SEMA5B: variants seen among roughly 807,000 people sequenced by gnomAD.
The protein encoded by SEMA5B is semaphorin-5B.
SEMA5B carries 66 observed loss-of-function variants against 135.0 expected under a neutral mutation model. That is an observed-to-expected ratio of 0.49 (90% CI 0.40 to 0.60). The LOEUF (loss-of-function observed/expected upper bound fraction) is 0.60. Ranked by LOEUF, SEMA5B falls within the 20% of genes least tolerant of loss-of-function variation. The pLI is 0.00. For synonymous variants in SEMA5B, 690 were observed against 639.5 expected (o/e 1.08, Z -1.19); for missense variants, 1,501 against 1,566.3 (o/e 0.96, Z 0.70).
intron 1 of SEMA5B, among the ~76,000 whole-genome samples, chr3:122,989,040 G>A (rs1941786290): frequency 6.6e-6 from 1 of 152,210 alleles, no homozygotes; most frequent in Non-Finnish European, 1.5e-5. Flanking sequence ...GCACAGTATG[G>A]ACAGAAGTCC....
upstream of SEMA5B, chr3:123,027,802 G>C (rs1271798387): frequency 6.6e-6 from 1 of 152,420 alleles, no homozygotes; most frequent in Non-Finnish European, 1.5e-5. Context: ...GGGGGCGGTG[G>C]GGGAGGAGTT....
chr3:122,955,616 T>C (rs1940258564), intron 2 of SEMA5B, among the ~76,000 whole-genome samples: 1 of 152,198 alleles, frequency 6.6e-6, no homozygotes, highest in Non-Finnish European at 1.5e-5. Context: ...CCAATCCAAT[T>C]ATCCCGAGGG....
At chr3:122,970,483 C>T (rs1215095604) in intron 1 of SEMA5B, among the ~76,000 whole-genome samples, 2 of 152,134 alleles carry the variant, frequency 1.3e-5, no homozygotes, top group South Asian at 4.1e-4. Flanking sequence ...GTCTAGGGAC[C>T]GCACTTTGGG....
intron 3 of SEMA5B, 37 bp downstream of exon 3, chr3:122,948,469 C>A: frequency 6.4e-7 from 1 of 1,552,902 alleles, no homozygotes; most frequent in South Asian, 1.2e-5. Context: ...AGGACACGGC[C>A]ATTGCAAGAC....
intron 1 of SEMA5B, among the ~76,000 whole-genome samples, chr3:122,969,609 A>G (rs1941025923): frequency 6.6e-6 from 1 of 152,004 alleles, no homozygotes; most frequent in Non-Finnish European, 1.5e-5. Context: ...GCTCCACCTC[A>G]TGGACATCAC....
intron 1 of SEMA5B, among the ~76,000 whole-genome samples, chr3:123,011,762 G>C (rs950725258): frequency 6.6e-6 from 1 of 152,216 alleles, no homozygotes; most frequent in African/African-American, 2.4e-5. Context: ...CAGGGCTAGA[G>C]AGAGGAGGAG....
intron 2 of SEMA5B, among the ~76,000 whole-genome samples, chr3:122,951,227 T>C (rs1336203467): frequency 6.6e-6 from 1 of 152,246 alleles, no homozygotes; most frequent in African/African-American, 2.4e-5. Context: ...CTTATTAGCA[T>C]GGTAACTTTT....
chr3:123,011,182 A>T (rs925467584), intron 1 of SEMA5B, among the ~76,000 whole-genome samples: 7 of 152,308 alleles, frequency 4.6e-5, no homozygotes, highest in South Asian at 2.1e-4. Context: ...GCGGCAGAGG[A>T]ATGGACAGAG....
intron 1 of SEMA5B, among the ~76,000 whole-genome samples, chr3:123,026,619 CG>C (rs1296984191): frequency 6.6e-6 from 1 of 152,222 alleles, no homozygotes; most frequent in Non-Finnish European, 1.5e-5. Context: ...CCGCCCCGCG[CG>C]GGTCCCCGAT....
intron 1 of SEMA5B, among the ~76,000 whole-genome samples, chr3:123,024,817 T>C (rs1222559685): frequency 6.6e-6 from 1 of 152,222 alleles, no homozygotes; most frequent in Non-Finnish European, 1.5e-5. Flanking sequence ...GTCAGGCTAC[T>C]TAAAGGCTGT....
chr3:123,009,690 G>A (rs905027780), intron 1 of SEMA5B, among the ~76,000 whole-genome samples: 22 of 152,190 alleles, frequency 1.4e-4, no homozygotes, highest in Admixed American at 1.2e-3. Flanking sequence ...CAGGGGTTCC[G>A]GACCTCTGGT....
At chr3:123,003,141 A>G (rs1942223567) in intron 1 of SEMA5B, among the ~76,000 whole-genome samples, 1 of 152,186 alleles carries the variant, frequency 6.6e-6, no homozygotes, top group South Asian at 2.1e-4. Context: ...GCACTGCAAC[A>G]AGTACTGAGG....
chr3:122,981,466 G>A (rs1941519503), intron 1 of SEMA5B, among the ~76,000 whole-genome samples: 1 of 152,256 alleles, frequency 6.6e-6, no homozygotes, highest in Non-Finnish European at 1.5e-5. Flanking sequence ...GGGCCCCATT[G>A]GGAAATAAGG....
At chr3:122,976,692 T>C (rs1321140513) in intron 1 of SEMA5B, among the ~76,000 whole-genome samples, 1 of 152,244 alleles carries the variant, frequency 6.6e-6, no homozygotes, top group Non-Finnish European at 1.5e-5. Flanking sequence ...ATTTTATTTT[T>C]TGATGCATTT....
chr3:122,939,612 C>T lies in SEMA5B; in HGVS notation c.429-142G>A, dbSNP rs376318211. The T allele has an allele frequency of 3.3e-4, 212 of 642,828 alleles. 1 individual carries two copies. Among genetic ancestry groups the T allele is most frequent in the African/African-American group, 3.0e-3 (162 of 54,718 alleles). The allele number at this position is 642,828 out of a possible 1,614,324, so 39.8% of individuals were successfully genotyped here. On this transcript the variant is annotated intron_variant, in intron 4 of 22. Transcript: ENST00000357599. ...TCAACCCCTAAGGAGAGCTTTACCT[C>T]CATTTGCTCACTTAATCTTCACACA...
rs1022471033 is a variant in SEMA5B at position 122,927,938 on chromosome 3, G to A, written c.702C>T (p.Arg234=). 9.4e-6 allele frequency: 15 copies of A among 1,589,972 alleles called. No individual in the cohort carries two copies. Among genetic ancestry groups the A allele is most frequent in the Non-Finnish European group, 1.2e-5 (14 of 1,167,416 alleles). ...AGGAGATGACAGCTGTGGAGTTGTGGCGTGGGTCATAGGGGCAGCGGGCCA... is the reference window on the plus strand; with the variant it reads ...AGGAGATGACAGCTGTGGAGTTGTGACGTGGGTCATAGGGGCAGCGGGCCA... ...NGVARCPYDP[R]HNSTAVISSQ... is the part of the protein sequence containing the mutation. The change falls in exon 8 of 23, where the codon CGC becomes CGT. Residue 234 remains arginine, a synonymous_variant. Transcript: ENST00000357599.
chr3:122,963,338 AAAC>A (rs1940672833), intron 1 of SEMA5B, among the ~76,000 whole-genome samples: 1 of 152,036 alleles, frequency 6.6e-6, no homozygotes, highest in South Asian at 2.1e-4. Flanking sequence ...CTCTACTAAC[AAAC>A]AAGTTACCAG....
intron 2 of SEMA5B, among the ~76,000 whole-genome samples, chr3:122,956,374 C>T (rs1468287627): frequency 6.6e-6 from 1 of 152,186 alleles, no homozygotes; most frequent in Non-Finnish European, 1.5e-5. Context: ...GGCCTCCCCA[C>T]CTTGTATGGG....
chr3:122,916,450 C>T (rs571956434), intron 12 of SEMA5B, among the ~76,000 whole-genome samples: 8 of 152,142 alleles, frequency 5.3e-5, no homozygotes, highest in South Asian at 2.1e-4. Flanking sequence ...TCTCTAGGGG[C>T]GAAGTAGTGT....
Sources: allele counts gnomAD v4.1 joint callset (sites outside exome capture counted in the v4.1 genomes callset), GRCh38; gene constraint gnomAD v4.1.1; transcripts MANE v1.5; gene names NCBI Gene and HGNC (gene_info 2026-07-23, HGNC 2026-07-21).